Variants in CFAP45 observed in about 807,000 individuals in gnomAD.
CFAP45 encodes cilia and flagella associated protein 45.
A neutral mutation model predicts 75.6 loss-of-function variants in CFAP45; 43 were observed. The ratio of observed to expected loss-of-function variants is 0.57; its 90% confidence interval spans 0.45 to 0.73. CFAP45 has a LOEUF of 0.73. CFAP45 is among the 30% of genes least tolerant of loss of function. CFAP45 has a pLI of 0.00. For synonymous variants in CFAP45, 223 were observed against 244.6 expected (o/e 0.91, Z 0.82); for missense variants, 689 against 701.5 (o/e 0.98, Z 0.20).
Position 159,899,397 on chromosome 1 carries a change from C to T in CFAP45, c.3+699G>A, listed in dbSNP as rs148829815. 6.7e-3 allele frequency among the ~76,000 whole-genome samples: 1,014 copies of T among 151,736 alleles called. 16 individuals are homozygous for T. Among genetic ancestry groups the T allele is most frequent in the African/African-American group, 0.023 (968 of 41,384 alleles). Reference sequence around the variant, plus strand: ...TCGGGCACATTAGATGACTTACCCACAGTCACCTTGCTAGTTAGTGGCAAA... The same window carrying T: ...TCGGGCACATTAGATGACTTACCCATAGTCACCTTGCTAGTTAGTGGCAAA... On this transcript the variant is annotated intron_variant, in intron 1 of 11. Coordinates refer to ENST00000368099, the MANE Select transcript of CFAP45 (RefSeq NM_012337.3).
chr1:159,881,232 A>G (rs1649543669), intron 7 of CFAP45, among the ~76,000 whole-genome samples: 1 of 152,248 alleles, frequency 6.6e-6, no homozygotes, highest in South Asian at 2.1e-4. Context: ...TCTTGCTCCA[A>G]TAAAGAAACT....
chr1:159,895,175 CTA>C lies in CFAP45; in HGVS notation c.4-1872_4-1871del, dbSNP rs528052639. ...TCATCTCAGTCCCAAGAGTAGACGT[CTA>C]TCTCTAAAAGGTAGTGTCTACAAGG... On this transcript the variant is annotated intron_variant, in intron 1 of 11. Transcript: ENST00000368099. Among the ~76,000 whole-genome samples, 81 of 152,322 alleles carry C rather than the reference CTA, an allele frequency of 5.3e-4. 1 individual carries two copies. The Middle Eastern group carries it at 0.014, about 26-fold the overall frequency.
rs573013883 is a variant in CFAP45 at position 159,887,264 on chromosome 1, G to C, written c.589-575C>G. 3.9e-5 allele frequency among the ~76,000 whole-genome samples: 6 copies of C among 152,358 alleles called. No homozygotes were observed. The South Asian group carries it at 1.0e-3, about 26-fold the overall frequency. Reference sequence around the variant, plus strand: ...TAGAAAATTAAAGGAGGCATACATAGAGAAGATTTACCTGAGAGACAGAAA... The same window carrying C: ...TAGAAAATTAAAGGAGGCATACATACAGAAGATTTACCTGAGAGACAGAAA... On this transcript the variant is annotated intron_variant, in intron 5 of 11. Transcript: ENST00000368099.
Position 159,876,608 on chromosome 1 carries a change from CGT to C in CFAP45, c.1298_1299del (p.His433ArgfsTer12). On this transcript the variant is annotated frameshift_variant, in exon 10 of 12. Transcript: ENST00000368099. LOFTEE classifies it high-confidence loss of function. ...TCCCGTTGCACCTGAACAGCCAGAG[CGT>C]GCTCCTTGAAAGCCACCTGTTCGAG... ...SRLEQVAFKE[H>X]ALAVQVQRDR... 1 of 1,614,198 alleles carries C rather than the reference CGT, an allele frequency of 6.2e-7. No individual in the cohort carries two copies. Among genetic ancestry groups the C allele is most frequent in the South Asian group, 1.1e-5 (1 of 91,080 alleles).
chr1:159,894,948 G>A (rs949180635), intron 1 of CFAP45, among the ~76,000 whole-genome samples: 1 of 152,218 alleles, frequency 6.6e-6, no homozygotes, highest in African/African-American at 2.4e-5. Context: ...GGGTGCAACA[G>A]TGCATCAGGG....
At chr1:159,873,216 G>A (rs781238249) in intron 10 of CFAP45, 48 bp from the exon 11 acceptor site, 1 of 1,551,050 alleles carries the variant, frequency 6.4e-7, no homozygotes, top group Admixed American at 1.7e-5. Flanking sequence ...AGCTGGCCCA[G>A]GCCAGGAAAG....
chr1:159,878,753 T>TAAAAAA (rs539116292), intron 8 of CFAP45, among the ~76,000 whole-genome samples: 421 of 32,464 alleles, frequency 0.013, 73 homozygotes, highest in East Asian at 0.089. Flanking sequence ...AGACTACATC[T>TAAAAAA]AAAAAAAAAA....
chr1:159,880,555 A>G lies in CFAP45; in HGVS notation c.1043T>C (p.Met348Thr). The change falls in exon 8 of 12, where the codon ATG (methionine) becomes ACG (threonine). Residue 348 changes from methionine (M) to threonine (T), a missense_variant and splice_region_variant. Physicochemically the swap from Met to Thr is moderately conservative, Grantham distance 81. Transcript: ENST00000368099. ...QMVMEFTKKK[M>T]AREAEFEAEQ... Reference sequence around the variant, plus strand: ...AGGTCCCAGAAACCAAGTCCCTACCATCTTCTTCTTGGTAAACTCCATCAC... The same window carrying G: ...AGGTCCCAGAAACCAAGTCCCTACCGTCTTCTTCTTGGTAAACTCCATCAC... The G allele has an allele frequency of 3.7e-6, 6 of 1,612,374 alleles. 1 individual carries two copies. In the South Asian group the frequency reaches 5.5e-5, roughly 15 times the overall value.
At chr1:159,879,813 C>A (rs926527522) in intron 8 of CFAP45, among the ~76,000 whole-genome samples, 1 of 152,194 alleles carries the variant, frequency 6.6e-6, no homozygotes, top group African/African-American at 2.4e-5. Flanking sequence ...TTTCTGTCAT[C>A]ATGGAATTTC....
intron 9 of CFAP45, 140 bp downstream of exon 9, chr1:159,877,209 C>T: frequency 1.3e-6 from 1 of 742,050 alleles, no homozygotes; most frequent in South Asian, 1.5e-5. Flanking sequence ...GCCACCCCTT[C>T]CTTCTCAGAC....
chr1:159,879,518 T>A (rs1328881285), intron 8 of CFAP45, among the ~76,000 whole-genome samples: 1 of 152,234 alleles, frequency 6.6e-6, no homozygotes, highest in African/African-American at 2.4e-5. Context: ...ACGGAGCCTA[T>A]GCACAGACTA....
At chr1:159,883,253 T>C (rs1189056438) in intron 7 of CFAP45, among the ~76,000 whole-genome samples, 1 of 152,022 alleles carries the variant, frequency 6.6e-6, no homozygotes, top group Non-Finnish European at 1.5e-5. Context: ...GCCTAGATGC[T>C]TCAAAATATC....
At position 159,875,442 on chromosome 1, in the gene CFAP45, G is replaced by T. The variant is rs1350359607; in HGVS notation, c.1352+1114C>A. Among the ~76,000 whole-genome samples the T allele has an allele frequency of 2.6e-5, 4 of 152,090 alleles. No homozygotes were observed. The East Asian group carries it at 7.7e-4, about 29-fold the overall frequency. On this transcript the variant is annotated intron_variant, in intron 10 of 11. Transcript: ENST00000368099. ...GTATCATGGCAGGGGGGACATGCTG[G>T]GGCCTGCAGTCCAATAAAAGGCCAA...
intron 4 of CFAP45, 87 bp downstream of exon 4, chr1:159,888,265 A>G: frequency 7.2e-7 from 1 of 1,390,888 alleles, no homozygotes; most frequent in South Asian, 1.3e-5. Context: ...TTTGTGCCTC[A>G]TTTCAGGGTC....
intron 3 of CFAP45, 47 bp downstream of exon 3, chr1:159,890,433 A>C (rs1035989897): frequency 1.3e-6 from 2 of 1,592,282 alleles, no homozygotes; most frequent in African/African-American, 2.7e-5. Flanking sequence ...GATCCTTAGC[A>C]AAAGGATGAG....
At chr1:159,892,526 CT>C (rs1166746534) in intron 2 of CFAP45, among the ~76,000 whole-genome samples, 3 of 152,184 alleles carry the variant, frequency 2.0e-5, no homozygotes, top group African/African-American at 7.2e-5. Flanking sequence ...CTCTCTTTCT[CT>C]TTTCCCCTTC....
intron 6 of CFAP45, 129 bp downstream of exon 6, chr1:159,886,382 A>G: frequency 2.3e-6 from 2 of 855,712 alleles, no homozygotes; most frequent in Admixed American, 2.3e-5. Flanking sequence ...ATCACTTCGT[A>G]AAGTTTTGAG....
At chr1:159,888,086 C>A in intron 4 of CFAP45, 75 bp from the exon 5 acceptor site, 1 of 1,498,322 alleles carries the variant, frequency 6.7e-7, no homozygotes, top group Admixed American at 1.9e-5. Flanking sequence ...CTGGCTACCA[C>A]AGGTGACCCA....
chr1:159,886,529 C>T lies in CFAP45; in HGVS notation c.749G>A (p.Arg250Lys). ...IQRQEELERK[R>K]REERIRGRRQ... Reference sequence around the variant, plus strand: ...TCTTTACCTAATTCTTTCCTCCCTCCTCTTCCTCTCCAGTTCCTCCTGCCT... The same window carrying T: ...TCTTTACCTAATTCTTTCCTCCCTCTTCTTCCTCTCCAGTTCCTCCTGCCT... The change falls in exon 6 of 12, where the codon AGG (arginine) becomes AAG (lysine). Residue 250 changes from arginine to lysine, a missense_variant. Arg to Lys is a conservative substitution (Grantham distance 26). Transcript: ENST00000368099. 1.2e-6 allele frequency: 2 copies of T among 1,614,132 alleles called. No homozygotes were observed. Among genetic ancestry groups the T allele is most frequent in the Non-Finnish European group, 1.7e-6 (2 of 1,179,962 alleles).
Sources: gnomAD v4.1 joint callset for allele counts (sites outside exome capture counted in the v4.1 genomes callset) on GRCh38, gnomAD v4.1.1 for gene constraint, MANE v1.5 for transcripts, NCBI Gene and HGNC (gene_info 2026-07-23, HGNC 2026-07-21) for gene names.